SGPP2: variants seen among roughly 807,000 people sequenced by gnomAD.
The protein encoded by SGPP2 is sphingosine-1-phosphate phosphatase 2, also known as sphingosine 1-phosphate phosphohydrolase 2.
In SGPP2, 30 loss-of-function variants were observed where a neutral mutation model predicts 33.9. The ratio of observed to expected loss-of-function variants is 0.89; its 90% confidence interval spans 0.66 to 1.20. The LOEUF (loss-of-function observed/expected upper bound fraction) is 1.20. SGPP2 is among the 50% of genes most tolerant of loss of function. SGPP2 has a pLI of 0.00. For synonymous variants in SGPP2, 233 were observed against 225.0 expected, an observed-to-expected ratio of 1.04 and a Z score of -0.32; for missense variants, 458 against 532.1, an observed-to-expected ratio of 0.86 and a Z score of 1.37.
intron 2 of SGPP2, among the ~76,000 whole-genome samples, chr2:222,489,291 G>T (rs1480964305): frequency 6.6e-6 from 1 of 151,940 alleles, no homozygotes; most frequent in African/African-American, 2.4e-5. Context: ...TTCAATGTTT[G>T]TCTACATAAC....
chr2:222,434,783 T>A (rs917584604), intron 1 of SGPP2, among the ~76,000 whole-genome samples: 1 of 152,056 alleles, frequency 6.6e-6, no homozygotes, highest in African/African-American at 2.4e-5. Context: ...TGGGGTAATG[T>A]GTCGGCAGCT....
At chr2:222,485,220 G>T (rs1261169145) in intron 2 of SGPP2, among the ~76,000 whole-genome samples, 2 of 152,206 alleles carry the variant, frequency 1.3e-5, no homozygotes, top group African/African-American at 4.8e-5. Context: ...ATTCAGAAAT[G>T]TGCTTTGCCT....
chr2:222,434,428 G>A (rs914690684), intron 1 of SGPP2, among the ~76,000 whole-genome samples: 20 of 152,174 alleles, frequency 1.3e-4, no homozygotes, highest in African/African-American at 4.8e-4. Flanking sequence ...GCTTGGGCCA[G>A]AGCGGATGAA....
At chr2:222,433,151 G>C (rs1697183613) in intron 1 of SGPP2, among the ~76,000 whole-genome samples, 1 of 152,172 alleles carries the variant, frequency 6.6e-6, no homozygotes, top group African/African-American at 2.4e-5. Context: ...AAAAATTTCT[G>C]AATGGAAAAA....
rs1689542811 is a variant in SGPP2 at position 222,561,590 on chromosome 2, C to T, written c.*2692C>T. Among the ~76,000 whole-genome samples, 1 of 150,560 alleles carries T rather than the reference C, an allele frequency of 6.6e-6. No homozygotes were observed. Among genetic ancestry groups the T allele is most frequent in the South Asian group, 2.1e-4 (1 of 4,794 alleles). ...TTTACTGCTGTCTCTAGTTTTAAGTCCCAACAATAGGAAGGCCGATCAGCT... is the reference window on the plus strand; with the variant it reads ...TTTACTGCTGTCTCTAGTTTTAAGTTCCAACAATAGGAAGGCCGATCAGCT... On this transcript the variant is annotated 3_prime_UTR_variant, in exon 5 of 5. Coordinates refer to ENST00000321276, the MANE Select transcript of SGPP2 (RefSeq NM_152386.4).
At chr2:222,432,673 C>T (rs1697174257) in intron 1 of SGPP2, among the ~76,000 whole-genome samples, 1 of 152,124 alleles carries the variant, frequency 6.6e-6, no homozygotes, top group Non-Finnish European at 1.5e-5. Context: ...AGCCTCAAGA[C>T]ACAGGAAACA....
At chr2:222,468,322 T>G (rs150772379) in intron 1 of SGPP2, among the ~76,000 whole-genome samples, 1 of 152,150 alleles carries the variant, frequency 6.6e-6, no homozygotes, top group African/African-American at 2.4e-5. Context: ...CTTTCAATCT[T>G]ATATCATTTT....
chr2:222,485,429 TC>T (rs974433754), intron 2 of SGPP2, among the ~76,000 whole-genome samples: 10 of 152,184 alleles, frequency 6.6e-5, no homozygotes, highest in African/African-American at 2.4e-4. Context: ...GGCCAGAGCA[TC>T]ACAGGGACCT....
rs574836289 is a variant in SGPP2, at chr2:222,543,885, T to G, written c.649-14462T>G. ...ATTTTCTCCAATGCTGGACTTTTTC[T>G]TGGGATTAAATTGAATCTATAGATT... On this transcript the variant is annotated intron_variant, in intron 4 of 4. Transcript: ENST00000321276. 9.2e-5 allele frequency among the ~76,000 whole-genome samples: 14 copies of G among 152,364 alleles called. No homozygotes were observed. The South Asian group carries it at 2.7e-3, about 29-fold the overall frequency.
intron 2 of SGPP2, among the ~76,000 whole-genome samples, chr2:222,512,726 A>C (rs900190832): frequency 1.3e-5 from 2 of 152,148 alleles, no homozygotes; most frequent in African/African-American, 4.8e-5. Flanking sequence ...TTGGAATCAT[A>C]CAGTACGTTC....
At chr2:222,485,793 C>T (rs1419119970) in intron 2 of SGPP2, among the ~76,000 whole-genome samples, 1 of 152,212 alleles carries the variant, frequency 6.6e-6, no homozygotes, top group Non-Finnish European at 1.5e-5. Flanking sequence ...GCTCTCCTGT[C>T]GCATTTGAGG....
At chr2:222,429,044 A>C (rs1697113960) in intron 1 of SGPP2, among the ~76,000 whole-genome samples, 1 of 152,088 alleles carries the variant, frequency 6.6e-6, no homozygotes, top group Non-Finnish European at 1.5e-5. Flanking sequence ...TGCCTGCCTC[A>C]GCCTCCCAAA....
chr2:222,452,997 G>C, intron 1 of SGPP2: 2 of 1,585,468 alleles, frequency 1.3e-6, no homozygotes, highest in Admixed American at 3.3e-5. Context: ...CTGGGTGGAA[G>C]AGAACACAGT....
chr2:222,435,014 A>G (rs1017620883), intron 1 of SGPP2, among the ~76,000 whole-genome samples: 11 of 35,624 alleles, frequency 3.1e-4, no homozygotes, highest in Non-Finnish European at 1.3e-4. Context: ...ACACACACAT[A>G]TGTGTATATG....
chr2:222,462,199 C>T (rs547731058), intron 1 of SGPP2, among the ~76,000 whole-genome samples: 4 of 151,902 alleles, frequency 2.6e-5, no homozygotes, highest in Admixed American at 6.6e-5. Context: ...CAGATGGTGG[C>T]GGGGAACATG....
intron 4 of SGPP2, among the ~76,000 whole-genome samples, chr2:222,541,597 TA>T (rs1158517268): frequency 4.9e-4 from 5 of 10,192 alleles, no homozygotes; most frequent in Non-Finnish European, 1.5e-3. Flanking sequence ...AAAACTATTT[TA>T]TTTATTTATT....
chr2:222,559,909 A>G lies in SGPP2; in HGVS notation c.*1011A>G. On this transcript the variant is annotated 3_prime_UTR_variant, in exon 5 of 5. Coordinates refer to ENST00000321276, the MANE Select transcript of SGPP2 (RefSeq NM_152386.4). ...TATAAGTCCTGCTGTTCATGTTGGA[A>G]TAAGGATCTGCTCTTCCTTGTTTCC... 6.6e-6 allele frequency: 1 copy of G among 152,276 alleles called. No individual in the cohort carries two copies. The highest frequency in any genetic ancestry group is 1.9e-4 in the East Asian group (1 of 5,202). 9.4% of individuals were successfully genotyped at this position (152,276 alleles called of 1,614,324 possible).
At chr2:222,548,568 C>T (rs1413750315) in intron 4 of SGPP2, among the ~76,000 whole-genome samples, 2 of 152,196 alleles carry the variant, frequency 1.3e-5, no homozygotes, top group Non-Finnish European at 2.9e-5. Flanking sequence ...AAAAGACATG[C>T]TTTCGGTGAC....
intron 1 of SGPP2, among the ~76,000 whole-genome samples, chr2:222,432,962 G>A (rs554153611): frequency 5.1e-4 from 77 of 151,824 alleles, no homozygotes; most frequent in Non-Finnish European, 7.2e-4. Flanking sequence ...CAGAGGTTGC[G>A]GTAAGCCAAA....
Sources: gnomAD v4.1 joint callset for allele counts (sites outside exome capture counted in the v4.1 genomes callset) on GRCh38, gnomAD v4.1.1 for gene constraint, MANE v1.5 for transcripts, NCBI Gene and HGNC (gene_info 2026-07-23, HGNC 2026-07-21) for gene names.